WDR17: variants seen among roughly 807,000 people sequenced by gnomAD.
WDR17 encodes the protein WD repeat domain 17, also known as WD repeat-containing protein 17.
A neutral mutation model predicts 161.7 loss-of-function variants in WDR17; 143 were observed. That is an observed-to-expected ratio of 0.88 (90% CI 0.77 to 1.02). The LOEUF is 1.02. WDR17 is among the 50% of genes least tolerant of loss of function. WDR17 has a pLI of 0.00. For missense variants in WDR17, 1,469 were observed against 1,520.9 expected (o/e 0.97, Z 0.57); for synonymous variants, 517 against 515.6 (o/e 1.00, Z -0.04).
chr4:176,176,567 G>C (rs1485048805), intron 26 of WDR17, among the ~76,000 whole-genome samples: 1 of 152,070 alleles, frequency 6.6e-6, no homozygotes, highest in Non-Finnish European at 1.5e-5. Context: ...TTATATTCAG[G>C]CATAGCGTAC....
intron 5 of WDR17, among the ~76,000 whole-genome samples, chr4:176,126,283 T>G (rs867605891): frequency 2.6e-5 from 4 of 152,062 alleles, no homozygotes; most frequent in African/African-American, 9.7e-5. Context: ...GATGGGAAGA[T>G]GGGGGAATTG....
chr4:176,101,228 T>G (rs533473601), intron 1 of WDR17, among the ~76,000 whole-genome samples: 8 of 152,056 alleles, frequency 5.3e-5, no homozygotes, highest in Non-Finnish European at 1.2e-4. Context: ...CCTTCAGCCA[T>G]CCTGTCCCAC....
chr4:176,179,527 A>C lies in WDR17; in HGVS notation c.3800A>C (p.Lys1267Thr), dbSNP rs1030264093. The C allele has an allele frequency of 2.5e-6, 4 of 1,606,638 alleles. No homozygotes were observed. The highest frequency in any genetic ancestry group is 3.4e-6 in the Non-Finnish European group (4 of 1,175,962). Residue 1267 changes from lysine (K) to threonine (T), a missense_variant, in exon 29 of 29, where the codon AAG becomes ACG. By Grantham distance (78) the Lys-to-Thr change is moderately conservative. Coordinates refer to ENST00000508596, the MANE Select transcript of WDR17 (RefSeq NM_181265.4). The stretch of plus-strand genomic sequence containing the variant: ...TTGAATGATGCTTTGATGTGGGCAA[A>C]GGTGAATCCATTCTCACCTTTAGGG... ...ISLNDALMWA[K>T]VNPFSPLGTG...
intron 1 of WDR17, among the ~76,000 whole-genome samples, chr4:176,088,476 C>A (rs1391234250): frequency 6.6e-6 from 1 of 152,136 alleles, no homozygotes; most frequent in African/African-American, 2.4e-5. Context: ...GTCAGCTGCA[C>A]TATTTTTTCT....
chr4:176,178,436 A>G (rs986836331), intron 28 of WDR17, among the ~76,000 whole-genome samples: 1 of 152,138 alleles, frequency 6.6e-6, no homozygotes, highest in African/African-American at 2.4e-5. Context: ...AGTACGTGGT[A>G]CCTTCAGGTT....
intron 1 of WDR17, chr4:176,098,397 A>G (rs1737241198): frequency 6.6e-6 from 1 of 152,068 alleles, no homozygotes; most frequent in South Asian, 2.1e-4. Context: ...TAAAACATTT[A>G]TCTGCAGTAT....
At position 176,097,754 on chromosome 4, in the gene WDR17, CA is replaced by C. The variant is rs1367279975; in HGVS notation, c.-6-13820del. 9.7e-4 allele frequency among the ~76,000 whole-genome samples: 147 copies of C among 151,308 alleles called. 2 individuals carry two copies. In the East Asian group the frequency reaches 0.022, roughly 23 times the overall value. ...ACACACACACACATACACACACACA[CA>C]CACACACACACACACAATGCCAATA... On this transcript the variant is annotated intron_variant, in intron 1 of 28. Coordinates refer to ENST00000508596, the MANE Select transcript of WDR17 (RefSeq NM_181265.4).
At chr4:176,107,473 T>A (rs1224230521) in intron 1 of WDR17, among the ~76,000 whole-genome samples, 1 of 150,138 alleles carries the variant, frequency 6.7e-6, no homozygotes, top group East Asian at 1.9e-4. Flanking sequence ...GAAGAGATAT[T>A]TGTACATCCG....
chr4:176,100,635 G>A (rs1737671036), intron 1 of WDR17, among the ~76,000 whole-genome samples: 2 of 151,922 alleles, frequency 1.3e-5, no homozygotes, highest in Non-Finnish European at 2.9e-5. Flanking sequence ...GTGCTTTTGA[G>A]GTCATAGTAT....
At chr4:176,141,181 CCTTTT>C (rs34712178) in intron 10 of WDR17, among the ~76,000 whole-genome samples, 39,658 of 151,610 alleles carry the variant, frequency 0.26, 5,363 homozygotes, top group African/African-American at 0.32. Flanking sequence ...TATATAGAAT[CCTTTT>C]CTTATGGCAG....
In WDR17 at chr4:176,115,854, CA is replaced by C. The variant is rs1484333312; in HGVS notation, c.184del (p.Ile62SerfsTer22). ...LHAIMSEHKK[T>X]ITAISWCPHN... is the part of the protein sequence containing the mutation. The stretch of plus-strand genomic sequence containing the variant: ...GCAATTATGTCTGAACATAAAAAAA[CA>C]ATCACAGCAATTTCTTGGTGTCCAC... On this transcript the variant is annotated frameshift_variant, in exon 3 of 29. Coordinates refer to ENST00000508596, the MANE Select transcript of WDR17 (RefSeq NM_181265.4). LOFTEE classifies it high-confidence loss of function. The C allele has an allele frequency of 6.2e-7, 1 of 1,610,924 alleles. No homozygotes were observed. Among genetic ancestry groups the C allele is most frequent in the Non-Finnish European group, 8.5e-7 (1 of 1,178,240 alleles).
At chr4:176,145,164 G>A (rs1745967082) in intron 11 of WDR17, among the ~76,000 whole-genome samples, 2 of 152,168 alleles carry the variant, frequency 1.3e-5, no homozygotes, top group Admixed American at 6.6e-5. Context: ...TGTTTAGCAT[G>A]TGGAGACTGT....
intron 5 of WDR17, among the ~76,000 whole-genome samples, chr4:176,128,317 T>G (rs937531062): frequency 6.6e-6 from 1 of 152,184 alleles, no homozygotes; most frequent in South Asian, 2.1e-4. Context: ...CAATCCTTAA[T>G]GGCTAAAAGT....
In WDR17 at chr4:176,090,508, A is replaced by G. The variant is rs867839214; in HGVS notation, c.-6-21067A>G. Among the ~76,000 whole-genome samples, 3 of 152,296 alleles carry G rather than the reference A, an allele frequency of 2.0e-5. No individual in the cohort carries two copies. The Middle Eastern group carries it at 0.01, about 518-fold the overall frequency. ...ACAAACAGATGAAGACAGACAGGTC[A>G]CATTATTCTAGTCATTAAATGAATT... is the stretch of plus-strand genomic sequence containing the variant. On this transcript the variant is annotated intron_variant, in intron 1 of 28. Transcript: ENST00000508596.
At chr4:176,093,394 A>T (rs1736389514) in intron 1 of WDR17, among the ~76,000 whole-genome samples, 1 of 152,186 alleles carries the variant, frequency 6.6e-6, no homozygotes, top group African/African-American at 2.4e-5. Context: ...ATCTTGTGAA[A>T]AAAATGGAGA....
Position 176,146,073 on chromosome 4 carries a change from A to G in WDR17, c.1608A>G (p.Lys536=), listed in dbSNP as rs763228479. ...YVATSSDQPL[K]VFSGHTAKVF... ...CCACCAGCTCAGATCAACCATTGAA[A>G]GTATTTAGTGGGCATACAGCAAAAG... The change falls in exon 12 of 29, where the codon AAA becomes AAG. Residue 536 remains lysine (K), a synonymous_variant. Coordinates refer to ENST00000508596, the MANE Select transcript of WDR17 (RefSeq NM_181265.4). The G allele has an allele frequency of 2.5e-6, 4 of 1,613,956 alleles. No individual in the cohort carries two copies. The highest frequency in any genetic ancestry group is 1.7e-5 in the Admixed American group (1 of 60,010).
chr4:176,127,836 C>T (rs1209084630), intron 5 of WDR17, among the ~76,000 whole-genome samples: 1 of 152,182 alleles, frequency 6.6e-6, no homozygotes, highest in Non-Finnish European at 1.5e-5. Flanking sequence ...CAAGCATAAA[C>T]TGCTAATTAC....
chr4:176,092,804 G>C (rs1040741389), intron 1 of WDR17, among the ~76,000 whole-genome samples: 2 of 152,182 alleles, frequency 1.3e-5, no homozygotes, highest in Admixed American at 1.3e-4. Flanking sequence ...CACTTTGGGA[G>C]GGTGAGGTGG....
intron 1 of WDR17, among the ~76,000 whole-genome samples, chr4:176,094,311 C>G (rs927622452): frequency 2.0e-5 from 3 of 152,162 alleles, no homozygotes; most frequent in Non-Finnish European, 4.4e-5. Flanking sequence ...CATTTTGTAT[C>G]TTCTATACAA....
Sources: gnomAD v4.1 joint callset for allele counts (sites outside exome capture counted in the v4.1 genomes callset) on GRCh38, gnomAD v4.1.1 for gene constraint, MANE v1.5 for transcripts, NCBI Gene and HGNC (gene_info 2026-07-23, HGNC 2026-07-21) for gene names.